THOC5: variants seen among roughly 807,000 people sequenced by gnomAD.
THOC5 encodes the protein THO complex subunit 5.
THOC5 carries 43 observed loss-of-function variants against 92.9 expected under a neutral mutation model. The ratio of observed to expected loss-of-function variants is 0.46; its 90% CI spans 0.36 to 0.60. THOC5 has a LOEUF of 0.60. Ranked by LOEUF, THOC5 falls within the 20% of genes least tolerant of loss-of-function variation. THOC5 has a pLI of 0.00. For missense variants in THOC5, 659 were observed against 849.4 expected, an observed-to-expected ratio of 0.78 and a Z score of 2.79; for synonymous variants, 296 against 320.1, an observed-to-expected ratio of 0.92 and a Z score of 0.80.
rs147580872 is a variant in THOC5 at position 29,533,851 on chromosome 22, A to G, written c.715-1888T>C. Among the ~76,000 whole-genome samples the G allele has an allele frequency of 8.5e-5, 13 of 152,348 alleles. No homozygotes were observed. In the East Asian group the frequency reaches 2.5e-3, roughly 29 times the overall value. On this transcript the variant is annotated intron_variant, in intron 7 of 19. Transcript: ENST00000490103. ...CAGTATAAAGTGTTGACAAGGATGT[A>G]AAACAATTAGAACTTGCATATGGTG...
chr22:29,511,996 C>T (rs1305839972), intron 18 of THOC5, 25 bp downstream of exon 18: 2 of 1,605,776 alleles, frequency 1.2e-6, no homozygotes, highest in Non-Finnish European at 1.7e-6. Context: ...GCCTGCTCCT[C>T]CTGTCATCCC....
chr22:29,536,465 A>G (rs1411130693), intron 7 of THOC5, 159 bp downstream of exon 7: 3 of 594,916 alleles, frequency 5.0e-6, no homozygotes, highest in Admixed American at 3.0e-5. Context: ...CCTCCCAGAC[A>G]CAAGCTTATC....
intron 8 of THOC5, chr22:29,530,950 C>G: frequency 1.3e-6 from 1 of 741,568 alleles, no homozygotes. Flanking sequence ...CCCCAAGCAA[C>G]TAGTTGCTCC....
intron 3 of THOC5, among the ~76,000 whole-genome samples, chr22:29,544,004 A>G (rs1239648560): frequency 2.0e-5 from 3 of 151,866 alleles, no homozygotes; most frequent in South Asian, 4.2e-4. Context: ...CTGGGGGAAA[A>G]AATGGATTTT....
intron 11 of THOC5, 40 bp downstream of exon 11, chr22:29,528,038 G>C: frequency 3.1e-6 from 5 of 1,603,462 alleles, no homozygotes; most frequent in Non-Finnish European, 4.3e-6. Context: ...TGAACTCTTA[G>C]GTGCTACAGA....
chr22:29,537,469 G>A (rs2063782555), intron 6 of THOC5, among the ~76,000 whole-genome samples: 1 of 151,526 alleles, frequency 6.6e-6, no homozygotes, highest in South Asian at 2.1e-4. Context: ...GGTGAAACCC[G>A]TCTCTACTAA....
chr22:29,543,985 G>A (rs886690510), intron 3 of THOC5, among the ~76,000 whole-genome samples: 5 of 152,120 alleles, frequency 3.3e-5, no homozygotes, highest in Non-Finnish European at 5.9e-5. Flanking sequence ...GCACAAATAC[G>A]TGAGATTCCT....
At position 29,531,925 on chromosome 22, in the gene THOC5, G is replaced by A. The variant is rs758773781; in HGVS notation, c.753C>T (p.Phe251=). Residue 251 remains phenylalanine (F), a synonymous_variant, in exon 8 of 20, where the codon TTC becomes TTT. Transcript: ENST00000490103. The part of the protein sequence containing the change: ...LPVQEYLFMP[F]DQAHKQYETA... ...TCTCATACTGCTTGTGAGCCTGGTC[G>A]AATGGCATAAACAGGTACTCCTGCA... is the stretch of plus-strand genomic sequence containing the variant. 4.3e-6 allele frequency: 7 copies of A among 1,614,178 alleles called. No homozygotes were observed. The highest frequency in any genetic ancestry group is 2.2e-5 in the East Asian group (1 of 44,880).
In THOC5 at chr22:29,547,643, G is replaced by A. The variant is rs184023434; in HGVS notation, c.96+1409C>T. 7.9e-4 allele frequency among the ~76,000 whole-genome samples: 121 copies of A among 152,314 alleles called. 1 individual carries two copies. The East Asian group carries it at 0.015, about 19-fold the overall frequency. On this transcript the variant is annotated intron_variant, in intron 2 of 19. Transcript: ENST00000490103. ...CTCCCAAAGTGCTGGGATTACAGGC[G>A]TGAGCCACCATGTCCGGCCCATTAT...
At chr22:29,535,855 T>G (rs1190292325) in intron 7 of THOC5, 1 of 152,144 alleles carries the variant, frequency 6.6e-6, no homozygotes, top group East Asian at 1.9e-4. Flanking sequence ...AATTTTTTTT[T>G]GTAGAGGCGG....
chr22:29,552,948 C>T (rs1463985972), intron 1 of THOC5, among the ~76,000 whole-genome samples: 2 of 152,176 alleles, frequency 1.3e-5, no homozygotes, highest in Non-Finnish European at 2.9e-5. Context: ...CCCCCAACCC[C>T]GTGCTCTCTG....
Position 29,521,077 on chromosome 22 carries a change from C to T in THOC5, c.1198G>A (p.Val400Ile), listed in dbSNP as rs2063432566. 6.2e-7 allele frequency: 1 copy of T among 1,613,886 alleles called. No individual in the cohort carries two copies. Residue 400 changes from valine (V) to isoleucine (I), a missense_variant, in exon 13 of 20, where the codon GTC becomes ATC. Physicochemically the swap from Val to Ile is conservative, Grantham distance 29. Coordinates refer to ENST00000490103, the MANE Select transcript of THOC5 (RefSeq NM_003678.5). ...TCCCCAGGATACAAGCAACTCAGGA[C>T]TGAGTCAGGAGACAGCAAGTCACTA... ...SAGDLLSPDS[V>I]LSCLYPGDHG...
At chr22:29,543,104 G>C (rs2063933856) in intron 4 of THOC5, 148 bp from the exon 5 acceptor site, 1 of 615,300 alleles carries the variant, frequency 1.6e-6, no homozygotes. Flanking sequence ...AGCACTTTGG[G>C]AGGCCGAGGC....
intron 17 of THOC5, 37 bp downstream of exon 17, chr22:29,516,992 C>T: frequency 6.2e-7 from 1 of 1,608,626 alleles, no homozygotes; most frequent in South Asian, 1.1e-5. Context: ...TGGCAGCGCC[C>T]TTTGTCTAGA....
At chr22:29,543,325 G>A in intron 4 of THOC5, 104 bp downstream of exon 4, 1 of 763,158 alleles carries the variant, frequency 1.3e-6, no homozygotes, top group Non-Finnish European at 2.1e-6. Flanking sequence ...TCTAGCCTGG[G>A]GGACAGAACG....
At chr22:29,548,201 T>C (rs1054659444) in intron 2 of THOC5, among the ~76,000 whole-genome samples, 2 of 152,068 alleles carry the variant, frequency 1.3e-5, no homozygotes, top group African/African-American at 4.8e-5. Context: ...GGCCAAACCA[T>C]ATGACCATCC....
chr22:29,546,672 TC>T (rs1373014530), intron 2 of THOC5, among the ~76,000 whole-genome samples: 1 of 152,072 alleles, frequency 6.6e-6, no homozygotes, highest in Non-Finnish European at 1.5e-5. Context: ...ACTTCTGACC[TC>T]AAGTGATCCA....
rs143914834 is a variant in THOC5, at chr22:29,531,914, T to C, written c.764A>G (p.His255Arg). 121 of 1,614,004 alleles carry C rather than the reference T, an allele frequency of 7.5e-5. No homozygotes were observed. In the African/African-American group the frequency reaches 1.4e-3, roughly 19 times the overall value. Residue 255 changes from histidine (H) to arginine (R), a missense_variant, in exon 8 of 20, where the codon CAC becomes CGC. By Grantham distance (29) the His-to-Arg change is conservative. Coordinates refer to ENST00000490103, the MANE Select transcript of THOC5 (RefSeq NM_003678.5). The part of the protein sequence containing the change: ...EYLFMPFDQA[H>R]KQYETARHLP... The stretch of plus-strand genomic sequence containing the variant: ...GTGTCTGGCTGTCTCATACTGCTTG[T>C]GAGCCTGGTCGAATGGCATAAACAG...
chr22:29,549,695 T>C (rs757702057), intron 1 of THOC5, among the ~76,000 whole-genome samples: 41 of 152,172 alleles, frequency 2.7e-4, no homozygotes, highest in Non-Finnish European at 5.4e-4. Context: ...ATAAAGACCC[T>C]TGATGGTTTG....
Sources: allele counts gnomAD v4.1 joint callset (sites outside exome capture counted in the v4.1 genomes callset), GRCh38; gene constraint gnomAD v4.1.1; transcripts MANE v1.5; gene names NCBI Gene and HGNC (gene_info 2026-07-23, HGNC 2026-07-21).